Variants in TUBB3 observed in about 807,000 individuals in gnomAD.
TUBB3 encodes tubulin beta 3 class III.
A neutral mutation model predicts 37.8 loss-of-function variants in TUBB3; 17 were observed. The ratio of observed to expected loss-of-function variants is 0.45; its 90% CI spans 0.31 to 0.67. The LOEUF (loss-of-function observed/expected upper bound fraction) is 0.67, where lower values mean the gene tolerates loss of function less well. Ranked by LOEUF, TUBB3 falls within the 30% of genes least tolerant of loss-of-function variation. TUBB3 has a pLI of 0.07. For missense variants in TUBB3, 262 were observed against 657.9 expected, an observed-to-expected ratio of 0.40 and a Z score of 6.58; for synonymous variants, 332 against 278.9, an observed-to-expected ratio of 1.19 and a Z score of -1.90.
chr16:89,929,294 C>G (rs576765324), intron 1 of TUBB3, among the ~76,000 whole-genome samples: 1 of 152,032 alleles, frequency 6.6e-6, no homozygotes, highest in Non-Finnish European at 1.5e-5. Flanking sequence ...AAATTTAACG[C>G]AAAAAGAATA....
At chr16:89,924,244 C>T (rs973261330) in intron 1 of TUBB3, among the ~76,000 whole-genome samples, 1 of 152,230 alleles carries the variant, frequency 6.6e-6, no homozygotes, top group Admixed American at 6.5e-5. Flanking sequence ...GGCGTTGGTG[C>T]AGCTGTGCAG....
intron 1 of TUBB3, among the ~76,000 whole-genome samples, chr16:89,924,187 C>G (rs1169437947): frequency 6.6e-6 from 1 of 152,224 alleles, no homozygotes; most frequent in Non-Finnish European, 1.5e-5. Context: ...CGCGCCCCTC[C>G]CTCCATTGTT....
At chr16:89,926,201 G>C (rs1037320787) in intron 1 of TUBB3, among the ~76,000 whole-genome samples, 1 of 152,178 alleles carries the variant, frequency 6.6e-6, no homozygotes, top group Non-Finnish European at 1.5e-5. Context: ...CTGCAGCGGC[G>C]GAGGGGGGAG....
chr16:89,931,926 C>T, intron 1 of TUBB3: 1 of 347,328 alleles, frequency 2.9e-6, no homozygotes, highest in Non-Finnish European at 5.9e-6. Context: ...CACGGACAGG[C>T]TGGGTGACCT....
At position 89,932,639 on chromosome 16, in the gene TUBB3, G is replaced by T; in HGVS notation, c.126G>T (p.Leu42Phe). ...GCAACTACGTGGGCGACTCGGACTT[G>T]CAGCTGGAGCGGATCAGCGTCTACT... ...PSGNYVGDSDLQLERISVYYN... is the reference protein window; with the variant it reads ...PSGNYVGDSDFQLERISVYYN... The change falls in exon 2 of 4, where the codon TTG becomes TTT. Residue 42 changes from leucine (L) to phenylalanine (F), a missense_variant. Leu to Phe is a conservative substitution (Grantham distance 22). Transcript: ENST00000315491. The T allele has an allele frequency of 6.2e-7, 1 of 1,614,132 alleles. No homozygotes were observed. Among genetic ancestry groups the T allele is most frequent in the East Asian group, 2.2e-5 (1 of 44,890 alleles).
Position 89,935,548 on chromosome 16 carries a change from C to T in TUBB3, c.1097C>T (p.Thr366Ile), listed in dbSNP as rs1188576813. ...CCCCGCGGCCTCAAGATGTCCTCCA[C>T]CTTCATCGGGAACAGCACGGCCATC... Reference protein sequence around the residue: ...IPPRGLKMSSTFIGNSTAIQE... With the variant: ...IPPRGLKMSSIFIGNSTAIQE... The change falls in exon 4 of 4, where the codon ACC (threonine) becomes ATC (isoleucine). Residue 366 changes from threonine (T) to isoleucine (I), a missense_variant. By Grantham distance (89) the Thr-to-Ile change is moderately conservative. Around this residue, in one of 3 missense-constraint regions of TUBB3, gnomAD observed 165 missense variants for 556.8 expected, o/e 0.30. Coordinates refer to ENST00000315491, the MANE Select transcript of TUBB3 (RefSeq NM_006086.4). 1.2e-6 allele frequency: 2 copies of T among 1,614,166 alleles called. No homozygotes were observed. The highest frequency in any genetic ancestry group is 1.1e-5 in the South Asian group (1 of 91,084).
chr16:89,933,452 C>T lies in TUBB3; in HGVS notation c.167-16C>T. 1.9e-6 allele frequency: 3 copies of T among 1,603,188 alleles called. No homozygotes were observed. The highest frequency in any genetic ancestry group is 1.3e-5 in the African/African-American group (1 of 74,822). ...CCCTCTGTGACCCGAATCACCGAGC[C>T]CCTCTCTCCCCTCAGCTCACAAGTA... On this transcript the variant is annotated splice_polypyrimidine_tract_variant and intron_variant, in intron 2 of 3. Coordinates refer to ENST00000315491, the MANE Select transcript of TUBB3 (RefSeq NM_006086.4).
intron 1 of TUBB3, 51 bp downstream of exon 1, chr16:89,923,509 G>C: frequency 7.3e-7 from 1 of 1,369,260 alleles, no homozygotes; most frequent in Non-Finnish European, 9.5e-7. Context: ...GGAGGAGGGA[G>C]GCGCCGTGCC....
chr16:89,931,820 C>G (rs537388443), intron 1 of TUBB3: 2 of 397,394 alleles, frequency 5.0e-6, no homozygotes, highest in Admixed American at 5.4e-5. Context: ...GAGCAGAGTC[C>G]GAGAAGCACT....
chr16:89,933,265 G>A, intron 2 of TUBB3: 1 of 706,896 alleles, frequency 1.4e-6, no homozygotes, highest in East Asian at 2.7e-5. Context: ...GCTCCGTCCT[G>A]TCCTGCTCCG....
At chr16:89,931,221 G>A (rs2030267650) in intron 1 of TUBB3, among the ~76,000 whole-genome samples, 1 of 152,174 alleles carries the variant, frequency 6.6e-6, no homozygotes, top group Non-Finnish European at 1.5e-5. Flanking sequence ...GCCTCCCAAA[G>A]TGCTGGGATT....
At chr16:89,929,138 T>G (rs1398133358) in intron 1 of TUBB3, among the ~76,000 whole-genome samples, 6 of 152,056 alleles carry the variant, frequency 3.9e-5, no homozygotes, top group Non-Finnish European at 8.8e-5. Flanking sequence ...AATTTTTGTA[T>G]TTTTAGTAGG....
chr16:89,932,084 C>T, intron 1 of TUBB3: 1 of 290,046 alleles, frequency 3.4e-6, no homozygotes, highest in Non-Finnish European at 6.9e-6. Context: ...ATGGTTTGCT[C>T]TCCCATGGAG....
intron 1 of TUBB3, among the ~76,000 whole-genome samples, chr16:89,929,037 A>G (rs1229994931): frequency 6.8e-6 from 1 of 146,248 alleles, no homozygotes; most frequent in East Asian, 2.0e-4. Flanking sequence ...ATCTCAGCTC[A>G]CTGCAACCTC....
intron 1 of TUBB3, among the ~76,000 whole-genome samples, chr16:89,927,203 C>T (rs983187779): frequency 1.3e-5 from 2 of 151,482 alleles, no homozygotes; most frequent in Non-Finnish European, 2.9e-5. Context: ...GGCAAGACTC[C>T]GTGCCTACAA....
chr16:89,927,882 A>AGGGGCT (rs1253735859), intron 1 of TUBB3, among the ~76,000 whole-genome samples: 4 of 152,162 alleles, frequency 2.6e-5, no homozygotes, highest in Non-Finnish European at 5.9e-5. Context: ...CCTCCTTTAC[A>AGGGGCT]GGGGCTGGTG....
At chr16:89,923,551 C>T in intron 1 of TUBB3, 93 bp downstream of exon 1, 4 of 1,193,490 alleles carry the variant, frequency 3.4e-6, no homozygotes, top group South Asian at 2.6e-5. Context: ...GCCCCCGCCC[C>T]TGCGAACCTG....
chr16:89,932,549 C>CG lies in TUBB3; in HGVS notation c.58-22_58-21insG, dbSNP rs747540798. ...GGGGCTATGGGCCGGTGCCGACCCC[C>CG]CCTCTCCCACTTTGTTTGCAGTTCT... On this transcript the variant is annotated intron_variant, in intron 1 of 3. Coordinates refer to ENST00000315491, the MANE Select transcript of TUBB3 (RefSeq NM_006086.4). 32 of 1,607,672 alleles carry CG rather than the reference C, an allele frequency of 2.0e-5. No individual in the cohort carries two copies. The South Asian group carries it at 2.1e-4, about 10-fold the overall frequency.
chr16:89,932,940 G>T, intron 2 of TUBB3: 1 of 547,742 alleles, frequency 1.8e-6, no homozygotes, highest in South Asian at 2.0e-5. Flanking sequence ...GCACAGACAG[G>T]GATGGGGCAG....
Sources: gnomAD v4.1 joint callset for allele counts (sites outside exome capture counted in the v4.1 genomes callset) on GRCh38, gnomAD v4.1.1 for gene constraint, gnomAD v4.1.1 regional missense constraint, MANE v1.5 for transcripts, NCBI Gene and HGNC (gene_info 2026-07-23, HGNC 2026-07-21) for gene names.